Variants in LYRM4 observed in about 807,000 individuals in gnomAD.
LYRM4 encodes LYR motif-containing protein 4.
LYRM4 carries 9 observed loss-of-function variants against 11.7 expected under a neutral mutation model. That is an observed-to-expected ratio of 0.77 (90% CI 0.46 to 1.34). The LOEUF (loss-of-function observed/expected upper bound fraction) is 1.34. Among genes scored for constraint, LYRM4 ranks in the 40% most tolerant of loss-of-function variants. The pLI is 0.00. For missense variants in LYRM4, 133 were observed against 112.5 expected, an observed-to-expected ratio of 1.18 and a Z score of -0.82; for synonymous variants, 42 against 40.4, an observed-to-expected ratio of 1.04 and a Z score of -0.15.
At chr6:5,241,995 C>T (rs1190725493) in intron 1 of LYRM4, among the ~76,000 whole-genome samples, 1 of 152,086 alleles carries the variant, frequency 6.6e-6, no homozygotes, top group Non-Finnish European at 1.5e-5. Flanking sequence ...TTACTACTAC[C>T]TTAATCTGTA....
chr6:5,066,128 T>C, the LYRM4 span: 8 of 542,828 alleles, frequency 1.5e-5, no homozygotes, highest in South Asian at 1.2e-4. Flanking sequence ...AATAATTCCC[T>C]ACACTTTGGG....
At chr6:5,053,254 T>C in the LYRM4 span, among the ~76,000 whole-genome samples, 2 of 152,274 alleles carry the variant, frequency 1.3e-5, no homozygotes, top group African/African-American at 2.4e-5. Context: ...GAAGTTCTTG[T>C]TCCTGCCAGA....
intron 2 of LYRM4, among the ~76,000 whole-genome samples, chr6:5,215,349 TAG>T (rs1472750977): frequency 1.3e-5 from 2 of 152,338 alleles, no homozygotes; most frequent in Non-Finnish European, 2.9e-5. Context: ...GCCATTGTTC[TAG>T]AGTTTTCAAA....
intron 2 of LYRM4, among the ~76,000 whole-genome samples, chr6:5,130,574 C>T (rs1763907688): frequency 6.6e-6 from 1 of 152,162 alleles, no homozygotes; most frequent in Non-Finnish European, 1.5e-5. Flanking sequence ...TAAGGGAATC[C>T]AGGAGCCAGA....
chr6:5,114,461 A>G (rs970422972), intron 2 of LYRM4, among the ~76,000 whole-genome samples: 1 of 152,240 alleles, frequency 6.6e-6, no homozygotes, highest in South Asian at 2.1e-4. Flanking sequence ...GTGAGATCAT[A>G]GGACTAATGA....
At chr6:5,218,807 A>C (rs183411724) in intron 1 of LYRM4, among the ~76,000 whole-genome samples, 3 of 152,352 alleles carry the variant, frequency 2.0e-5, no homozygotes, top group Admixed American at 2.0e-4. Flanking sequence ...TGCAGCTGCT[A>C]ATCTAACAAG....
intron 2 of LYRM4, among the ~76,000 whole-genome samples, chr6:5,152,680 T>A (rs772356014): frequency 6.6e-6 from 1 of 152,216 alleles, no homozygotes; most frequent in Non-Finnish European, 1.5e-5. Flanking sequence ...GATGCCTAGC[T>A]ACTCTCATAA....
At chr6:5,145,521 G>C (rs1757671749) in intron 2 of LYRM4, among the ~76,000 whole-genome samples, 1 of 152,182 alleles carries the variant, frequency 6.6e-6, no homozygotes, top group Non-Finnish European at 1.5e-5. Flanking sequence ...CGAGGCTGCG[G>C]AATTTCTCTG....
At chr6:5,190,411 A>C (rs1013401230) in intron 2 of LYRM4, among the ~76,000 whole-genome samples, 4 of 152,214 alleles carry the variant, frequency 2.6e-5, no homozygotes, top group African/African-American at 9.7e-5. Flanking sequence ...ATTCTGTAGT[A>C]ACACCGTATC....
chr6:5,071,925 G>A, the LYRM4 span, among the ~76,000 whole-genome samples: 1 of 152,148 alleles, frequency 6.6e-6, no homozygotes, highest in African/African-American at 2.4e-5. Flanking sequence ...GATTACAGGT[G>A]TGAGGCACCA....
At chr6:5,085,261 G>A in the LYRM4 span, 1 of 460,848 alleles carries the variant, frequency 2.2e-6, no homozygotes, top group Non-Finnish European at 3.8e-6. Context: ...TGGCCCCGGA[G>A]CCGGCCCCAG....
intron 1 of LYRM4, among the ~76,000 whole-genome samples, chr6:5,226,400 T>C (rs1762893595): frequency 1.3e-5 from 2 of 152,228 alleles, no homozygotes; most frequent in African/African-American, 4.8e-5. Flanking sequence ...TTTTTCTTTT[T>C]TGAGATGGAG....
At chr6:5,062,940 G>C in the LYRM4 span, among the ~76,000 whole-genome samples, 2,596 of 152,270 alleles carry the variant, frequency 0.017, 40 homozygotes, top group Non-Finnish European at 0.028. Context: ...AAGGGCCCTT[G>C]GAAGGACTCA....
intron 2 of LYRM4, among the ~76,000 whole-genome samples, chr6:5,159,022 G>A (rs1286575813): frequency 2.6e-5 from 4 of 152,226 alleles, no homozygotes; most frequent in Non-Finnish European, 5.9e-5. Context: ...CATGGGGGAG[G>A]TGGGATCATG....
At chr6:5,214,300 G>C (rs558214981) in intron 2 of LYRM4, among the ~76,000 whole-genome samples, 2 of 152,306 alleles carry the variant, frequency 1.3e-5, no homozygotes, top group East Asian at 3.9e-4. Flanking sequence ...GGGTGGAAGG[G>C]GGAGGGAGCT....
intron 2 of LYRM4, chr6:5,136,406 C>T: frequency 1.0e-6 from 1 of 985,218 alleles, no homozygotes; most frequent in Non-Finnish European, 1.2e-6. Context: ...TAATGTAGTA[C>T]TTAAGAGCCT....
intron 1 of LYRM4, among the ~76,000 whole-genome samples, chr6:5,232,063 A>G (rs1054228021): frequency 1.3e-5 from 2 of 152,254 alleles, no homozygotes; most frequent in Non-Finnish European, 2.9e-5. Context: ...TAACTAAACA[A>G]TATCAGAATG....
intron 2 of LYRM4, among the ~76,000 whole-genome samples, chr6:5,120,774 T>C (rs1173637545): frequency 6.6e-6 from 1 of 152,146 alleles, no homozygotes; most frequent in African/African-American, 2.4e-5. Flanking sequence ...CACTGATTGG[T>C]GCATTTTACA....
chr6:5,138,724 A>G, intron 2 of LYRM4: 1 of 1,533,428 alleles, frequency 6.5e-7, no homozygotes, highest in Non-Finnish European at 8.7e-7. Flanking sequence ...GCAGACAATG[A>G]CTATGGACTT....
Sources: allele counts gnomAD v4.1 joint callset (sites outside exome capture counted in the v4.1 genomes callset), GRCh38; gene constraint gnomAD v4.1.1; transcripts MANE v1.5; gene names NCBI Gene and HGNC (gene_info 2026-07-23, HGNC 2026-07-21).